ZNF536: variants seen among roughly 807,000 people sequenced by gnomAD.
ZNF536 encodes zinc finger protein 536.
A neutral mutation model predicts 84.5 loss-of-function variants in ZNF536; 13 were observed. The observed-to-expected ratio is 0.15, with a 90% CI of 0.10 to 0.24. The LOEUF (loss-of-function observed/expected upper bound fraction) is 0.24. Among genes scored for constraint, ZNF536 ranks in the 10% least tolerant of loss-of-function variants. ZNF536 has a pLI of 1.00. For synonymous variants in ZNF536, 811 were observed against 742.5 expected, an observed-to-expected ratio of 1.09 and a Z score of -1.50; for missense variants, 1,536 against 1,747.5, an observed-to-expected ratio of 0.88 and a Z score of 2.16.
intron 1 of ZNF536, among the ~76,000 whole-genome samples, chr19:30,635,608 C>T (rs1000910409): frequency 3.3e-5 from 5 of 152,138 alleles, no homozygotes; most frequent in Admixed American, 6.5e-5. Context: ...TCTCTGGAGG[C>T]CCCAAGAGCT....
In ZNF536 at chr19:30,696,224, C is replaced by T. The variant is rs779073715; in HGVS notation, c.170-14533C>T. Among the ~76,000 whole-genome samples, 146 of 152,146 alleles carry T rather than the reference C, an allele frequency of 9.6e-4. 2 individuals carry two copies. Among genetic ancestry groups the T allele is most frequent in the Non-Finnish European group, 1.8e-3 (123 of 68,032 alleles). ...GTTTAATAAGCACCTCTCCCCCAGC[C>T]CCCGCAATGTTGGAGAGAGAAGGGA... On this transcript the variant is annotated intron_variant, in intron 1 of 1. Coordinates refer to the ZNF536 transcript ENST00000592773.
At chr19:30,505,201 T>G (rs2055117101) in intron 2 of ZNF536, among the ~76,000 whole-genome samples, 1 of 147,754 alleles carries the variant, frequency 6.8e-6, no homozygotes, top group South Asian at 2.1e-4. Flanking sequence ...AATTATTCTC[T>G]CTATATATTA....
chr19:30,581,551 T>C (rs1192746472), intron 1 of ZNF536, among the ~76,000 whole-genome samples: 3 of 152,182 alleles, frequency 2.0e-5, no homozygotes, highest in Admixed American at 2.0e-4. Flanking sequence ...GAAACAGCTC[T>C]TGCAGGGGAC....
At position 30,445,038 on chromosome 19, in the gene ZNF536, C is replaced by T. The variant is rs773279414; in HGVS notation, c.1476C>T (p.Leu492=). ...EGDKHSLLGC[L]NLVPPLKSSC... is the part of the protein sequence containing the mutation. ...ACAAGCACTCCCTCCTGGGATGCCT[C>T]AATCTCGTGCCGCCGCTGAAATCCA... Residue 492 remains leucine (L), a synonymous_variant, in exon 2 of 5, where the codon CTC becomes CTT. Coordinates refer to ENST00000355537, the MANE Select transcript of ZNF536 (RefSeq NM_014717.3). The surrounding 1 kb of genome is among the most constrained non-coding windows in gnomAD (Gnocchi z 4.5). 6.2e-6 allele frequency: 10 copies of T among 1,613,390 alleles called. No homozygotes were observed. Among genetic ancestry groups the T allele is most frequent in the Non-Finnish European group, 7.6e-6 (9 of 1,179,940 alleles).
At chr19:30,496,399 A>G (rs891052065) in intron 2 of ZNF536, among the ~76,000 whole-genome samples, 5 of 152,108 alleles carry the variant, frequency 3.3e-5, no homozygotes, top group Non-Finnish European at 7.4e-5. Flanking sequence ...GTCCTTTGAA[A>G]TGTTGTTTTA....
chr19:30,319,236 C>T lies in ZNF536; in HGVS notation c.-119-33132C>T, dbSNP rs577831419. Among the ~76,000 whole-genome samples the T allele has an allele frequency of 4.6e-5, 7 of 152,258 alleles. No individual in the cohort carries two copies. In the South Asian group the frequency reaches 6.2e-4, roughly 14 times the overall value. ...GTTGGGGACACCCGGAGGCACCCTCCGATGTTCAGATGATCGTGGCAGGAA... is the reference window on the plus strand; with the variant it reads ...GTTGGGGACACCCGGAGGCACCCTCTGATGTTCAGATGATCGTGGCAGGAA... On this transcript the variant is annotated intron_variant, in intron 2 of 5. Transcript: ENST00000585628.
At chr19:30,266,719 TC>T (rs1335983814) in intron 1 of ZNF536, among the ~76,000 whole-genome samples, 1 of 152,168 alleles carries the variant, frequency 6.6e-6, no homozygotes, top group Non-Finnish European at 1.5e-5. Context: ...AGCATAATAC[TC>T]CCAACTGTGC....
At chr19:30,408,853 TCCTCC>T (rs2050370308) in intron 1 of ZNF536, among the ~76,000 whole-genome samples, 2 of 67,414 alleles carry the variant, frequency 3.0e-5, no homozygotes, top group Admixed American at 4.1e-4. Flanking sequence ...TATTCATCCA[TCCTCC>T]ATCCATCGAT....
At chr19:30,668,673 G>C (rs942415546) in intron 1 of ZNF536, 1 of 152,484 alleles carries the variant, frequency 6.6e-6, no homozygotes, top group South Asian at 2.1e-4. Context: ...GCTCGGTGTA[G>C]GTCTCCTCTA....
intron 4 of ZNF536, 127 bp downstream of exon 4, chr19:30,549,641 A>G: frequency 2.8e-6 from 3 of 1,053,742 alleles, no homozygotes; most frequent in South Asian, 5.2e-5. Context: ...AAAACCCTCA[A>G]TGCTGTATCT....
chr19:30,642,393 C>T (rs1234420543), intron 1 of ZNF536, among the ~76,000 whole-genome samples: 1 of 152,138 alleles, frequency 6.6e-6, no homozygotes, highest in East Asian at 1.9e-4. Flanking sequence ...TGGGGGTTGA[C>T]AGTCTGTCCT....
chr19:30,374,865 C>A (rs530484805), intron 1 of ZNF536, among the ~76,000 whole-genome samples: 5 of 151,466 alleles, frequency 3.3e-5, no homozygotes, highest in African/African-American at 7.3e-5. Context: ...ACTGGCCCCC[C>A]GCCCGGGCTG....
chr19:30,402,822 T>TATATATATATATATATATATATA (rs1331644147), intron 1 of ZNF536, among the ~76,000 whole-genome samples: 2 of 142,558 alleles, frequency 1.4e-5, no homozygotes, highest in Non-Finnish European at 3.1e-5. Flanking sequence ...TATATATATA[T>TATATATATATATATATATATATA]AATTTTCAAA....
At chr19:30,427,734 T>G (rs1217450768) in intron 1 of ZNF536, among the ~76,000 whole-genome samples, 2 of 152,092 alleles carry the variant, frequency 1.3e-5, no homozygotes, top group Non-Finnish European at 2.9e-5. Context: ...TTCCTCAAAG[T>G]GACAGTCAGT....
At chr19:30,359,142 T>A (rs2146845157) in intron 3 of ZNF536, among the ~76,000 whole-genome samples, 1 of 152,160 alleles carries the variant, frequency 6.6e-6, no homozygotes, top group African/African-American at 2.4e-5. Flanking sequence ...CAGTTCTTTT[T>A]AAAAATTTGT....
intron 1 of ZNF536, among the ~76,000 whole-genome samples, chr19:30,701,218 C>T (rs1183693358): frequency 6.3e-5 from 9 of 142,292 alleles, no homozygotes; most frequent in Non-Finnish European, 1.1e-4. Context: ...CACACACACA[C>T]GCAAACACAC....
At chr19:30,518,460 G>T (rs1568507987) in intron 2 of ZNF536, among the ~76,000 whole-genome samples, 1 of 152,284 alleles carries the variant, frequency 6.6e-6, no homozygotes, top group South Asian at 2.1e-4. Context: ...ACATAGATGA[G>T]GAAATGTATT....
At chr19:30,683,350 C>T (rs1253250499) in intron 1 of ZNF536, among the ~76,000 whole-genome samples, 1 of 152,250 alleles carries the variant, frequency 6.6e-6, no homozygotes, top group East Asian at 1.9e-4. Context: ...AAGTAATCTC[C>T]TTTCTAATAA....
chr19:30,667,484 T>A (rs1032800877), intron 1 of ZNF536, among the ~76,000 whole-genome samples: 5 of 152,068 alleles, frequency 3.3e-5, no homozygotes, highest in African/African-American at 1.2e-4. Context: ...CGAAGCTGCC[T>A]GTGAGTGGGA....
Sources: allele counts gnomAD v4.1 joint callset (sites outside exome capture counted in the v4.1 genomes callset), GRCh38; gene constraint gnomAD v4.1.1; non-coding constraint Gnocchi (gnomAD v3.1); transcripts MANE v1.5; gene names NCBI Gene and HGNC (gene_info 2026-07-23, HGNC 2026-07-21).